The following STXBP6 variants were observed in gnomAD, a reference collection of about 807,000 sequenced individuals.
STXBP6 encodes the protein syntaxin-binding protein 6.
STXBP6 carries 21 observed loss-of-function variants against 26.9 expected under a neutral mutation model. That is an observed-to-expected ratio of 0.78 (90% CI 0.55 to 1.12). The LOEUF is 1.12. Among genes scored for constraint, STXBP6 ranks in the 50% most tolerant of loss-of-function variants. The pLI is 0.00. For missense variants in STXBP6, 232 were observed against 257.9 expected, an observed-to-expected ratio of 0.90 and a Z score of 0.69; for synonymous variants, 97 against 92.6, an observed-to-expected ratio of 1.05 and a Z score of -0.27.
rs916579545 is a variant in STXBP6 at position 24,810,810 on chromosome 14, A to G, written c.*1899T>C. On this transcript the variant is annotated 3_prime_UTR_variant, in exon 6 of 6. Transcript: ENST00000323944. Reference sequence around the variant, plus strand: ...TTTAGATTTATCCTTTCAATTATTTATACCAACTCTCTATCTCTGAAACCA... The same window carrying G: ...TTTAGATTTATCCTTTCAATTATTTGTACCAACTCTCTATCTCTGAAACCA... 6.6e-6 allele frequency: 1 copy of G among 150,562 alleles called. No homozygotes were observed. Among genetic ancestry groups the G allele is most frequent in the African/African-American group, 2.4e-5 (1 of 40,968 alleles). The allele number at this position is 150,562 out of a possible 1,614,324, so 9.3% of individuals were successfully genotyped here. A position where few individuals can be genotyped will look rare whatever the true frequency, so the allele number is the denominator to read the frequency against.
At chr14:24,874,488 C>T (rs1039045850) in intron 2 of STXBP6, among the ~76,000 whole-genome samples, 14 of 152,018 alleles carry the variant, frequency 9.2e-5, no homozygotes, top group Admixed American at 2.6e-4. Flanking sequence ...CCACCCATGC[C>T]GTCTCAGCCA....
At chr14:24,931,499 G>A (rs1404740555) in intron 2 of STXBP6, among the ~76,000 whole-genome samples, 1 of 152,186 alleles carries the variant, frequency 6.6e-6, no homozygotes, top group Non-Finnish European at 1.5e-5. Context: ...TTCCTTGGTA[G>A]AGTTAGGTTT....
chr14:24,993,044 T>C (rs1318446642), intron 1 of STXBP6, among the ~76,000 whole-genome samples: 2 of 152,224 alleles, frequency 1.3e-5, no homozygotes, highest in South Asian at 2.1e-4. Context: ...AATGTTGTTA[T>C]GCCTCTTGGA....
At chr14:24,925,208 G>A (rs2072117886) in intron 2 of STXBP6, among the ~76,000 whole-genome samples, 1 of 152,164 alleles carries the variant, frequency 6.6e-6, no homozygotes, top group Admixed American at 6.5e-5. Flanking sequence ...TTCACAAAAT[G>A]TAGTTTAGAC....
intron 2 of STXBP6, among the ~76,000 whole-genome samples, chr14:24,902,605 AC>A (rs773699509): frequency 6.6e-6 from 1 of 152,216 alleles, no homozygotes; most frequent in Non-Finnish European, 1.5e-5. Context: ...ACATTCACTA[AC>A]ATATTAGAGC....
chr14:24,963,610 G>A (rs2073624221), intron 2 of STXBP6, among the ~76,000 whole-genome samples: 1 of 152,156 alleles, frequency 6.6e-6, no homozygotes, highest in Non-Finnish European at 1.5e-5. Flanking sequence ...TTCAGGAAAT[G>A]TAGAATTGAA....
At chr14:24,881,516 AC>A (rs35000537) in intron 2 of STXBP6, among the ~76,000 whole-genome samples, 43,755 of 152,074 alleles carry the variant, frequency 0.29, 7,101 homozygotes, top group East Asian at 0.42. Flanking sequence ...AGCAGAGATG[AC>A]ATTCATAAAT....
chr14:24,861,795 C>T (rs2069547409), intron 2 of STXBP6, among the ~76,000 whole-genome samples: 1 of 152,094 alleles, frequency 6.6e-6, no homozygotes, highest in Non-Finnish European at 1.5e-5. Context: ...AATTTGGGGA[C>T]ATAGTAAATG....
At chr14:24,881,820 G>A (rs1171276968) in intron 2 of STXBP6, among the ~76,000 whole-genome samples, 1 of 152,202 alleles carries the variant, frequency 6.6e-6, no homozygotes, top group South Asian at 2.1e-4. Context: ...CAGAGCAACT[G>A]TGTGTACAGG....
intron 2 of STXBP6, among the ~76,000 whole-genome samples, chr14:24,944,970 A>G (rs2072930211): frequency 6.6e-6 from 1 of 152,016 alleles, no homozygotes; most frequent in African/African-American, 2.4e-5. Context: ...TGTTGGCAAC[A>G]TGAGAGCAAC....
At chr14:24,938,868 C>T (rs982272019) in intron 2 of STXBP6, among the ~76,000 whole-genome samples, 1 of 152,080 alleles carries the variant, frequency 6.6e-6, no homozygotes, top group Non-Finnish European at 1.5e-5. Flanking sequence ...AACATGTATT[C>T]AACTTGCTCT....
intron 1 of STXBP6, among the ~76,000 whole-genome samples, chr14:25,019,737 T>C (rs2075226704): frequency 6.6e-6 from 1 of 152,190 alleles, no homozygotes; most frequent in Non-Finnish European, 1.5e-5. Context: ...ATCTGAAAAC[T>C]GCATGACCAA....
intron 4 of STXBP6, among the ~76,000 whole-genome samples, chr14:24,845,587 A>G (rs138794512): frequency 1.4e-4 from 21 of 152,356 alleles, no homozygotes; most frequent in African/African-American, 4.6e-4. Flanking sequence ...ATATAAAAGT[A>G]TATCTTATAA....
intron 2 of STXBP6, among the ~76,000 whole-genome samples, chr14:24,952,116 A>T (rs2073189263): frequency 6.6e-6 from 1 of 151,606 alleles, no homozygotes; most frequent in Non-Finnish European, 1.5e-5. Flanking sequence ...GATGGGAAAT[A>T]AATACAATAT....
intron 1 of STXBP6, among the ~76,000 whole-genome samples, chr14:24,990,950 G>A (rs2074455842): frequency 6.6e-6 from 1 of 151,140 alleles, no homozygotes; most frequent in Non-Finnish European, 1.5e-5. Flanking sequence ...GGAGAGAGCA[G>A]AGAGAGAAGA....
rs542827036 is a variant in STXBP6, at chr14:24,972,210, C to T, written c.154+2455G>A. ...AAAGACTGAAGAACAAAAGATTTTC[C>T]TCCATTAGAATGCAACAAAAAAGCA... On this transcript the variant is annotated intron_variant, in intron 2 of 5. Coordinates refer to ENST00000323944, the MANE Select transcript of STXBP6 (RefSeq NM_001394410.1). 4.2e-4 allele frequency among the ~76,000 whole-genome samples: 64 copies of T among 151,972 alleles called. 2 individuals are homozygous for T. The South Asian group carries it at 0.013, about 31-fold the overall frequency.
intron 2 of STXBP6, among the ~76,000 whole-genome samples, chr14:24,899,576 T>C (rs554115771): frequency 6.7e-6 from 1 of 148,296 alleles, no homozygotes; most frequent in African/African-American, 2.5e-5. Flanking sequence ...AGGTCAGGAG[T>C]TCAAGACCAG....
intron 2 of STXBP6, among the ~76,000 whole-genome samples, chr14:24,907,684 C>A (rs1169816641): frequency 6.6e-6 from 1 of 152,054 alleles, no homozygotes; most frequent in Non-Finnish European, 1.5e-5. Context: ...AATCTTATAA[C>A]AAGTAGTTAC....
chr14:25,019,766 G>C (rs1260775692), intron 1 of STXBP6, among the ~76,000 whole-genome samples: 1 of 151,878 alleles, frequency 6.6e-6, no homozygotes, highest in African/African-American at 2.4e-5. Context: ...TTAGATTATA[G>C]ATTTCTGCAT....
Sources: allele counts gnomAD v4.1 joint callset (sites outside exome capture counted in the v4.1 genomes callset), GRCh38; gene constraint gnomAD v4.1.1; transcripts MANE v1.5; gene names NCBI Gene and HGNC (gene_info 2026-07-23, HGNC 2026-07-21).